The following TSC22D2 variants were observed in gnomAD, a reference collection of about 807,000 sequenced individuals.
TSC22D2 encodes TSC22 domain family protein 2.
Under a neutral mutation model 50.1 loss-of-function variants are expected in TSC22D2, and 5 were observed. The observed-to-expected ratio is 0.10, with a 90% CI of 0.05 to 0.21. The LOEUF is 0.21. Ranked by LOEUF, TSC22D2 falls within the 10% of genes least tolerant of loss-of-function variation. TSC22D2 has a pLI of 1.00. For synonymous variants in TSC22D2, 501 were observed against 450.1 expected, an observed-to-expected ratio of 1.11 and a Z score of -1.43; for missense variants, 1,003 against 1,015.5, an observed-to-expected ratio of 0.99 and a Z score of 0.17.
chr3:150,448,868 T>C (rs1720958708), intron 1 of TSC22D2, among the ~76,000 whole-genome samples: 1 of 134,234 alleles, frequency 7.4e-6, no homozygotes, highest in African/African-American at 2.9e-5. Flanking sequence ...AATGTTAATT[T>C]TAATCTTGTA....
chr3:150,434,967 A>G (rs1720490607), intron 1 of TSC22D2, among the ~76,000 whole-genome samples: 2 of 151,794 alleles, frequency 1.3e-5, no homozygotes, highest in Admixed American at 6.6e-5. Flanking sequence ...GTCTTTTTAT[A>G]TGTGTCTTTT....
intron 1 of TSC22D2, among the ~76,000 whole-genome samples, chr3:150,437,828 TA>T (rs1164025474): frequency 6.6e-6 from 1 of 150,546 alleles, no homozygotes; most frequent in Non-Finnish European, 1.5e-5. Context: ...AATAAATAAA[TA>T]AAATAAAATA....
Position 150,411,091 on chromosome 3 carries a change from C to G in TSC22D2, c.1741C>G (p.Gln581Glu). ...SLPQSDLSQF[Q>E]TQTQPLVGQV... ...ACCACAGTCTGACCTAAGCCAGTTT[C>G]AAACTCAGACCCAGCCTTTAGTCGG... The change falls in exon 1 of 3, where the codon CAA becomes GAA. Residue 581 changes from glutamine (Q) to glutamate (E), a missense_variant. Physicochemically the swap from Gln to Glu is conservative, Grantham distance 29. This residue lies in a region of TSC22D2 where 696 missense variants were observed against 647.8 expected (regional missense o/e 1.07). Transcript: ENST00000688009. 1 of 1,614,170 alleles carries G rather than the reference C, an allele frequency of 6.2e-7. No individual in the cohort carries two copies. The highest frequency in any genetic ancestry group is 8.5e-7 in the Non-Finnish European group (1 of 1,180,028).
chr3:150,453,513 A>G (rs893504530), intron 1 of TSC22D2, among the ~76,000 whole-genome samples: 5 of 152,196 alleles, frequency 3.3e-5, no homozygotes, highest in Non-Finnish European at 7.4e-5. Flanking sequence ...TTTAGTTTCT[A>G]TCTGAATCGC....
In TSC22D2 at chr3:150,463,261, G is replaced by A. The variant is rs1361323057; in HGVS notation, c.*4625G>A. 2.0e-5 allele frequency: 3 copies of A among 152,232 alleles called. No individual in the cohort carries two copies. The highest frequency in any genetic ancestry group is 4.4e-5 in the Non-Finnish European group (3 of 68,088). 9.4% of individuals were successfully genotyped at this position (152,232 alleles called of 1,614,324 possible). ...AATACAGGTTCTGGCCCCCACTGTA[G>A]GTACTGACAGCCCAAGGCAGAATAG... On this transcript the variant is annotated 3_prime_UTR_variant, in exon 3 of 3. Transcript: ENST00000688009.
intron 1 of TSC22D2, among the ~76,000 whole-genome samples, chr3:150,423,899 T>G (rs1034752311): frequency 5.9e-5 from 9 of 152,188 alleles, no homozygotes; most frequent in Non-Finnish European, 7.4e-5. Context: ...CTCGTTAGAT[T>G]CTTTTAACTC....
In TSC22D2 at chr3:150,425,167, ATTTT is replaced by A. The variant is rs959812254; in HGVS notation, c.1958+13866_1958+13869del. On this transcript the variant is annotated intron_variant, in intron 1 of 2. Transcript: ENST00000688009. ...TCATTTTTACTATTATAAATTTAGGATTTTTTTTTTATTTTACTACTAATTTGGC... is the reference window on the plus strand; with the variant it reads ...TCATTTTTACTATTATAAATTTAGGATTTTTTATTTTACTACTAATTTGGC... Among the ~76,000 whole-genome samples the A allele has an allele frequency of 4.0e-5, 6 of 150,626 alleles. No individual in the cohort carries two copies. The East Asian group carries it at 1.2e-3, about 29-fold the overall frequency.
chr3:150,427,894 T>G (rs533565849), intron 1 of TSC22D2, among the ~76,000 whole-genome samples: 1 of 152,228 alleles, frequency 6.6e-6, no homozygotes, highest in South Asian at 2.1e-4. Flanking sequence ...GTGCTGAGGC[T>G]TCTTGTATGT....
intron 2 of TSC22D2, among the ~76,000 whole-genome samples, chr3:150,457,801 A>G (rs918153129): frequency 2.6e-5 from 4 of 151,750 alleles, no homozygotes; most frequent in African/African-American, 9.7e-5. Context: ...ACATCTGGCT[A>G]ATTTTTGTAT....
At chr3:150,432,930 T>C (rs1451059943) in intron 1 of TSC22D2, among the ~76,000 whole-genome samples, 1 of 152,166 alleles carries the variant, frequency 6.6e-6, no homozygotes, top group African/African-American at 2.4e-5. Flanking sequence ...AACATGCTGA[T>C]AGTAATATTC....
chr3:150,464,937 G>A lies in TSC22D2; in HGVS notation c.*6301G>A, dbSNP rs1302807289. 6.6e-6 allele frequency: 1 copy of A among 152,174 alleles called. No individual in the cohort carries two copies. The highest frequency in any genetic ancestry group is 2.4e-5 in the African/African-American group (1 of 41,458). The allele number at this position is 152,174 out of a possible 1,614,324, so 9.4% of individuals were successfully genotyped here. A position where few individuals can be genotyped will look rare whatever the true frequency, so the allele number is the denominator to read the frequency against. ...TTGTCTATTGTCTCATAAGCAACAA[G>A]TGACACTTATTATCTTGGCTGACAA... is the stretch of plus-strand genomic sequence containing the variant. On this transcript the variant is annotated 3_prime_UTR_variant, in exon 3 of 3. Transcript: ENST00000688009.
intron 1 of TSC22D2, among the ~76,000 whole-genome samples, chr3:150,422,700 A>G (rs985235620): frequency 6.6e-6 from 1 of 152,222 alleles, no homozygotes; most frequent in Non-Finnish European, 1.5e-5. Flanking sequence ...TAAACAAGAT[A>G]GATATTTGTA....
intron 1 of TSC22D2, among the ~76,000 whole-genome samples, chr3:150,419,525 C>G (rs1442406363): frequency 6.6e-6 from 1 of 152,002 alleles, no homozygotes; most frequent in African/African-American, 2.4e-5. Context: ...CGAATTTTGG[C>G]ATAGATTAAG....
chr3:150,422,941 A>G (rs1184986291), intron 1 of TSC22D2: 1 of 726,722 alleles, frequency 1.4e-6, no homozygotes, highest in African/African-American at 1.8e-5. Flanking sequence ...TTTTATTATT[A>G]AAAGTTACAC....
At chr3:150,420,554 G>A (rs987213807) in intron 1 of TSC22D2, among the ~76,000 whole-genome samples, 1 of 152,004 alleles carries the variant, frequency 6.6e-6, no homozygotes, top group East Asian at 1.9e-4. Context: ...AAAACTTTAG[G>A]TCCATTTATA....
chr3:150,451,258 A>G (rs1721035445), intron 1 of TSC22D2, among the ~76,000 whole-genome samples: 1 of 152,144 alleles, frequency 6.6e-6, no homozygotes, highest in African/African-American at 2.4e-5. Flanking sequence ...CAGTATTTTA[A>G]TTAAAGATAC....
chr3:150,460,062 TTGA>T lies in TSC22D2; in HGVS notation c.*1429_*1431del, dbSNP rs931684155. ...TAACACATTAAGTGTATGTCAGAAA[TTGA>T]TGTATAAATATATATTTTAACATTT... On this transcript the variant is annotated 3_prime_UTR_variant, in exon 3 of 3. Coordinates refer to ENST00000688009, the MANE Select transcript of TSC22D2 (RefSeq NM_001303264.2). The T allele has an allele frequency of 1.3e-5, 2 of 152,136 alleles. No homozygotes were observed. Among genetic ancestry groups the T allele is most frequent in the African/African-American group, 4.8e-5 (2 of 41,452 alleles). The allele number at this position is 152,136 out of a possible 1,614,324, so 9.4% of individuals were successfully genotyped here.
At position 150,411,262 on chromosome 3, in the gene TSC22D2, A is replaced by C. The variant is rs965637516; in HGVS notation, c.1912A>C (p.Thr638Pro). The stretch of plus-strand genomic sequence containing the variant: ...GTTAACACCTATGAACAGTCTGGCC[A>C]CCTCTGTATTCAGCATAGCTATTCC... Reference protein sequence around the residue: ...LQLTPMNSLATSVFSIAIPVD... With the variant: ...LQLTPMNSLAPSVFSIAIPVD... Residue 638 changes from threonine to proline, a missense_variant, in exon 1 of 3, where the codon ACC becomes CCC. Physicochemically the swap from Thr to Pro is conservative, Grantham distance 38. Around this residue, in one of 6 missense-constraint regions of TSC22D2, gnomAD observed 696 missense variants for 647.8 expected, o/e 1.07. Transcript: ENST00000688009. 1 of 1,614,144 alleles carries C rather than the reference A, an allele frequency of 6.2e-7. No individual in the cohort carries two copies. The highest frequency in any genetic ancestry group is 1.6e-4 in the Middle Eastern group (1 of 6,062).
chr3:150,409,592 C>T lies in TSC22D2; in HGVS notation c.242C>T (p.Pro81Leu). Residue 81 changes from proline (P) to leucine (L), a missense_variant, in exon 1 of 3, where the codon CCC becomes CTC. By Grantham distance (98) the Pro-to-Leu change is moderately conservative. Coordinates refer to ENST00000688009, the MANE Select transcript of TSC22D2 (RefSeq NM_001303264.2). This position sits in a 1 kb window ranked among gnomAD's most constrained non-coding sequence, Gnocchi z 7.4. ...AACAATGTTGGGGATGCGGAGACTC[C>T]CGGGACCGTCTCCCCAAACCTCCTC... ...TLNNVGDAET[P>L]GTVSPNLLLD... is the part of the protein sequence containing the mutation. 6.2e-7 allele frequency: 1 copy of T among 1,601,500 alleles called. No individual in the cohort carries two copies. Among genetic ancestry groups the T allele is most frequent in the African/African-American group, 1.3e-5 (1 of 74,778 alleles).
Sources: allele counts gnomAD v4.1 joint callset (sites outside exome capture counted in the v4.1 genomes callset), GRCh38; gene constraint gnomAD v4.1.1; regional missense constraint gnomAD v4.1.1; non-coding constraint Gnocchi (gnomAD v3.1); transcripts MANE v1.5; gene names NCBI Gene and HGNC (gene_info 2026-07-23, HGNC 2026-07-21).